The following GPR107 variants were observed in gnomAD, a reference collection of about 807,000 sequenced individuals.
GPR107 encodes G protein-coupled receptor 107, also known as protein GPR107.
GPR107 carries 31 observed loss-of-function variants against 75.5 expected under a neutral mutation model. That is an observed-to-expected ratio of 0.41 (90% CI 0.31 to 0.55). GPR107 has a LOEUF of 0.55. Among genes scored for constraint, GPR107 ranks in the 20% least tolerant of loss-of-function variants. GPR107 has a pLI of 0.26. For missense variants in GPR107, 572 were observed against 665.7 expected (o/e 0.86, Z 1.55); for synonymous variants, 267 against 251.3 (o/e 1.06, Z -0.59).
intron 17 of GPR107, among the ~76,000 whole-genome samples, chr9:130,132,009 A>G (rs1189465766): frequency 6.6e-6 from 1 of 152,008 alleles, no homozygotes; most frequent in Non-Finnish European, 1.5e-5. Context: ...AGCCTCCTTA[A>G]TAGCTGGGAC....
intron 1 of GPR107, among the ~76,000 whole-genome samples, chr9:130,072,260 C>A (rs947356524): frequency 6.6e-6 from 1 of 151,084 alleles, no homozygotes; most frequent in African/African-American, 2.4e-5. Context: ...TCGCTGTCGC[C>A]CAGGCTGGAG....
intron 17 of GPR107, among the ~76,000 whole-genome samples, chr9:130,134,283 T>C (rs1408700811): frequency 1.3e-5 from 2 of 152,178 alleles, no homozygotes; most frequent in East Asian, 3.9e-4. Flanking sequence ...GGCCCGTGCA[T>C]GTGATTCCTT....
intron 15 of GPR107, 75 bp downstream of exon 15, chr9:130,125,039 G>C (rs959823278): frequency 4.1e-5 from 27 of 664,014 alleles, no homozygotes; most frequent in Non-Finnish European, 6.6e-5. Flanking sequence ...AACTTCCAAA[G>C]GATTGGTGAA....
intron 14 of GPR107, among the ~76,000 whole-genome samples, chr9:130,108,080 A>G (rs993247180): frequency 6.6e-6 from 1 of 152,204 alleles, no homozygotes; most frequent in Non-Finnish European, 1.5e-5. Flanking sequence ...TGCCTCCTAA[A>G]TCAGAAGAAA....
At chr9:130,068,234 G>C (rs966271923) in intron 1 of GPR107, among the ~76,000 whole-genome samples, 1 of 152,108 alleles carries the variant, frequency 6.6e-6, no homozygotes. Context: ...GACCGCAGGG[G>C]AAGGGGTAGC....
intron 6 of GPR107, among the ~76,000 whole-genome samples, chr9:130,084,904 G>A (rs1830580871): frequency 6.6e-6 from 1 of 152,190 alleles, no homozygotes; most frequent in Non-Finnish European, 1.5e-5. Flanking sequence ...CTGTCGCCGG[G>A]GCTGAGTCTG....
Position 130,076,026 on chromosome 9 carries a change from C to T in GPR107, c.255+277C>T, listed in dbSNP as rs139020383. Among the ~76,000 whole-genome samples the T allele has an allele frequency of 4.6e-4, 70 of 152,210 alleles. 1 individual carries two copies. The East Asian group carries it at 0.011, about 24-fold the overall frequency. Reference sequence around the variant, plus strand: ...TGAATTCCTGACCTCGTGATCCACCCGCCTTGGCCTCCCAAAGTGCTGGGA... The same window carrying T: ...TGAATTCCTGACCTCGTGATCCACCTGCCTTGGCCTCCCAAAGTGCTGGGA... On this transcript the variant is annotated intron_variant, in intron 2 of 17. Transcript: ENST00000347136.
intron 9 of GPR107, among the ~76,000 whole-genome samples, chr9:130,099,220 A>G (rs1192466440): frequency 6.6e-6 from 1 of 151,894 alleles, no homozygotes; most frequent in African/African-American, 2.4e-5. Context: ...GCTTCCTGAG[A>G]GCTGCTTGAT....
intron 17 of GPR107, among the ~76,000 whole-genome samples, chr9:130,131,861 G>T (rs1381579970): frequency 6.6e-6 from 1 of 151,946 alleles, no homozygotes; most frequent in Non-Finnish European, 1.5e-5. Flanking sequence ...CTTCACTCCC[G>T]ATCCTCTCCC....
Position 130,072,349 on chromosome 9 carries a change from A to G in GPR107, c.142-3287A>G, listed in dbSNP as rs192335481. 4.9e-3 allele frequency among the ~76,000 whole-genome samples: 745 copies of G among 151,792 alleles called. 6 individuals carry two copies. Among genetic ancestry groups the G allele is most frequent in the Middle Eastern group, 0.017 (5 of 294 alleles). On this transcript the variant is annotated intron_variant, in intron 1 of 17. Coordinates refer to ENST00000347136, the MANE Select transcript of GPR107 (RefSeq NM_020960.5). The stretch of plus-strand genomic sequence containing the variant: ...ATTCTCCTGCCTCAGCCTCCCGAGT[A>G]GCTGGGACTACAGGCGCGTGCCACC...
chr9:130,058,906 A>T (rs12553235), intron 1 of GPR107, among the ~76,000 whole-genome samples: 2 of 151,880 alleles, frequency 1.3e-5, no homozygotes, highest in Non-Finnish European at 2.9e-5. Flanking sequence ...TTAGCAGTTC[A>T]CCAGTCGATG....
chr9:130,085,565 C>T (rs1830594000), intron 6 of GPR107, among the ~76,000 whole-genome samples: 1 of 151,760 alleles, frequency 6.6e-6, no homozygotes, highest in African/African-American at 2.4e-5. Context: ...TTTTGTAAGC[C>T]CCCTGTCCCC....
intron 1 of GPR107, among the ~76,000 whole-genome samples, chr9:130,054,949 T>A (rs1012700042): frequency 2.0e-5 from 3 of 151,932 alleles, no homozygotes; most frequent in Non-Finnish European, 4.4e-5. Flanking sequence ...ATTAACCAGG[T>A]GTGGTGGCAA....
At chr9:130,123,111 T>G (rs187473419) in intron 14 of GPR107, among the ~76,000 whole-genome samples, 1 of 152,296 alleles carries the variant, frequency 6.6e-6, no homozygotes, top group East Asian at 1.9e-4. Context: ...GTGGCATGAT[T>G]TCAGCTTACT....
rs1474147871 is a variant in GPR107, at chr9:130,071,343, T to C, written c.142-4293T>C. On this transcript the variant is annotated intron_variant, in intron 1 of 17. Transcript: ENST00000347136. ...CGCCTGGCCCCTCACCCTTTTTTTT[T>C]CTATCAAATGTTACTGAATATAGCT... 1.1e-4 allele frequency among the ~76,000 whole-genome samples: 16 copies of C among 152,186 alleles called. No homozygotes were observed. In the East Asian group the frequency reaches 2.5e-3, roughly 24 times the overall value.
At chr9:130,069,398 G>A (rs1830144057) in intron 1 of GPR107, among the ~76,000 whole-genome samples, 1 of 152,208 alleles carries the variant, frequency 6.6e-6, no homozygotes, top group Admixed American at 6.5e-5. Flanking sequence ...TCCATTGCCT[G>A]TGTCAGTGCT....
At chr9:130,076,557 T>G (rs958349710) in intron 3 of GPR107, 95 bp downstream of exon 3, 15 of 828,636 alleles carry the variant, frequency 1.8e-5, no homozygotes, top group Middle Eastern at 2.2e-4. Flanking sequence ...TTTTCATTTT[T>G]TTTTTGGAGT....
Position 130,128,569 on chromosome 9 carries a change from T to C in GPR107, c.1441-71T>C, listed in dbSNP as rs533635219. 5 of 1,303,118 alleles carry C rather than the reference T, an allele frequency of 3.8e-6. No individual in the cohort carries two copies. The Admixed American group carries it at 7.1e-5, about 18-fold the overall frequency. The allele number at this position is 1,303,118 out of a possible 1,614,324, so 80.7% of individuals were successfully genotyped here. A position where few individuals can be genotyped will look rare whatever the true frequency, so the allele number is the denominator to read the frequency against. Reference sequence around the variant, plus strand: ...GGTTGTGGGGAAATATGTCAGTTTGTTGAATTCCACTGCTTTCTGAAGAAC... The same window carrying C: ...GGTTGTGGGGAAATATGTCAGTTTGCTGAATTCCACTGCTTTCTGAAGAAC... On this transcript the variant is annotated intron_variant, in intron 16 of 17. Coordinates refer to ENST00000347136, the MANE Select transcript of GPR107 (RefSeq NM_020960.5).
chr9:130,087,521 C>A (rs1324385830), intron 7 of GPR107, among the ~76,000 whole-genome samples: 1 of 151,854 alleles, frequency 6.6e-6, no homozygotes, highest in African/African-American at 2.4e-5. Flanking sequence ...CAAAAATTAG[C>A]CAGGCATGGT....
Sources: allele counts gnomAD v4.1 joint callset (sites outside exome capture counted in the v4.1 genomes callset), GRCh38; gene constraint gnomAD v4.1.1; transcripts MANE v1.5; gene names NCBI Gene and HGNC (gene_info 2026-07-23, HGNC 2026-07-21).